Variants in PCSK5 observed in about 807,000 individuals in gnomAD.
PCSK5 encodes the protein prohormone convertase 5.
Under a neutral mutation model 233.2 loss-of-function variants are expected in PCSK5, and 129 were observed. The ratio of observed to expected loss-of-function variants is 0.55; its 90% CI spans 0.48 to 0.64. The LOEUF (loss-of-function observed/expected upper bound fraction) is 0.64. PCSK5 is among the 30% of genes least tolerant of loss of function. PCSK5 has a pLI of 0.00. For missense variants in PCSK5, 2,076 were observed against 2,430.1 expected, an observed-to-expected ratio of 0.85 and a Z score of 3.06; for synonymous variants, 825 against 879.2, an observed-to-expected ratio of 0.94 and a Z score of 1.09.
chr9:75,896,884 T>G (rs937563543), intron 1 of PCSK5, among the ~76,000 whole-genome samples: 8 of 152,214 alleles, frequency 5.3e-5, no homozygotes, highest in African/African-American at 1.9e-4. Flanking sequence ...CAACAGATTA[T>G]CCATCTCTAC....
At chr9:76,329,470 C>T (rs1829464379) in intron 33 of PCSK5, among the ~76,000 whole-genome samples, 1 of 152,102 alleles carries the variant, frequency 6.6e-6, no homozygotes, top group Non-Finnish European at 1.5e-5. Context: ...CTTCCATGTC[C>T]CTTTAGCCTC....
chr9:76,012,056 T>C (rs893234632), intron 3 of PCSK5, among the ~76,000 whole-genome samples: 10 of 152,206 alleles, frequency 6.6e-5, no homozygotes, highest in Admixed American at 2.6e-4. Context: ...TCATGTGTTT[T>C]CTCATTCCCA....
intron 3 of PCSK5, among the ~76,000 whole-genome samples, chr9:76,007,062 G>A (rs1842100366): frequency 6.6e-6 from 1 of 152,042 alleles, no homozygotes; most frequent in Admixed American, 6.6e-5. Flanking sequence ...TTTCTTCAAT[G>A]CTCCTGATTA....
At chr9:75,990,163 C>T (rs1826704890) in intron 3 of PCSK5, among the ~76,000 whole-genome samples, 1 of 152,176 alleles carries the variant, frequency 6.6e-6, no homozygotes. Flanking sequence ...AGGCAAGGTG[C>T]TGATACCCTT....
rs1830433947 is a variant in PCSK5 at position 76,361,685 on chromosome 9, G to C, written c.*2763G>C. 1 of 152,204 alleles carries C rather than the reference G, an allele frequency of 6.6e-6. No individual in the cohort carries two copies. The allele number at this position is 152,204 out of a possible 1,614,324, so 9.4% of individuals were successfully genotyped here. A position where few individuals can be genotyped will look rare whatever the true frequency, so the allele number is the denominator to read the frequency against. The stretch of plus-strand genomic sequence containing the variant: ...CTATTGCACTTCAGCCTGAATGACA[G>C]AGCTAAGACCCTGACTCAAAATAAA... On this transcript the variant is annotated 3_prime_UTR_variant, in exon 38 of 38. Transcript: ENST00000674117.
At chr9:76,015,827 G>T (rs1039421098) in intron 3 of PCSK5, among the ~76,000 whole-genome samples, 1 of 152,174 alleles carries the variant, frequency 6.6e-6, no homozygotes, top group Non-Finnish European at 1.5e-5. Context: ...ACATTAGTGA[G>T]CTTTTTGTGG....
intron 13 of PCSK5, among the ~76,000 whole-genome samples, chr9:76,172,726 C>G (rs1156320824): frequency 1.3e-5 from 2 of 152,204 alleles, no homozygotes; most frequent in Non-Finnish European, 2.9e-5. Flanking sequence ...CTCTTTTGCA[C>G]TGCTACCTAA....
intron 2 of PCSK5, among the ~76,000 whole-genome samples, chr9:75,946,108 T>C (rs1824554710): frequency 2.0e-5 from 3 of 152,212 alleles, no homozygotes; most frequent in Admixed American, 2.0e-4. Flanking sequence ...AATAGAAGAA[T>C]ACATGAATGA....
intron 2 of PCSK5, among the ~76,000 whole-genome samples, chr9:75,940,731 C>A (rs1458196718): frequency 6.6e-6 from 1 of 152,208 alleles, no homozygotes; most frequent in African/African-American, 2.4e-5. Context: ...CCTTATCAGT[C>A]AAATTCCATT....
intron 35 of PCSK5, among the ~76,000 whole-genome samples, chr9:76,343,571 C>G (rs761376771): frequency 8.6e-5 from 13 of 151,960 alleles, no homozygotes; most frequent in Non-Finnish European, 1.3e-4. Context: ...TCATATTCAG[C>G]CTCATCTCTT....
intron 20 of PCSK5, among the ~76,000 whole-genome samples, chr9:76,224,968 G>C (rs1203591611): frequency 6.6e-6 from 1 of 152,198 alleles, no homozygotes; most frequent in African/African-American, 2.4e-5. Context: ...AGCAGAGCAA[G>C]GTGTTTTAGT....
intron 2 of PCSK5, among the ~76,000 whole-genome samples, chr9:75,968,203 G>A (rs71509848): frequency 0.058 from 8,889 of 152,328 alleles, 298 homozygotes; most frequent in Middle Eastern, 0.11. Context: ...CTGAGTAAAT[G>A]TGTGTTGAAT....
chr9:76,274,123 A>G (rs1827617850), intron 24 of PCSK5, among the ~76,000 whole-genome samples: 1 of 151,566 alleles, frequency 6.6e-6, no homozygotes, highest in African/African-American at 2.4e-5. Context: ...CCTGTTTTTT[A>G]GCTTTTATTG....
chr9:76,180,782 C>T (rs1316924916), intron 15 of PCSK5, among the ~76,000 whole-genome samples: 1 of 152,180 alleles, frequency 6.6e-6, no homozygotes, highest in Non-Finnish European at 1.5e-5. Flanking sequence ...TATCTCCCAG[C>T]CTCTGTTATC....
intron 24 of PCSK5, among the ~76,000 whole-genome samples, chr9:76,285,574 A>T (rs1385930949): frequency 6.6e-6 from 1 of 152,120 alleles, no homozygotes; most frequent in Non-Finnish European, 1.5e-5. Flanking sequence ...TCTGGCTTGC[A>T]TGGGGTATGA....
At chr9:76,236,305 A>G (rs1035380573) in intron 22 of PCSK5, among the ~76,000 whole-genome samples, 1 of 152,138 alleles carries the variant, frequency 6.6e-6, no homozygotes, top group Admixed American at 6.5e-5. Context: ...CAATATCATC[A>G]TGCTGGTCCA....
At chr9:75,900,178 G>A (rs1256604970) in intron 1 of PCSK5, among the ~76,000 whole-genome samples, 2 of 152,110 alleles carry the variant, frequency 1.3e-5, no homozygotes, top group Non-Finnish European at 2.9e-5. Context: ...AGAATTAAAA[G>A]GGTTTGAAAC....
chr9:76,049,747 G>A (rs1178157867), intron 5 of PCSK5, among the ~76,000 whole-genome samples: 1 of 152,188 alleles, frequency 6.6e-6, no homozygotes, highest in Non-Finnish European at 1.5e-5. Context: ...TGCAAAGGAA[G>A]CCTCCTATTT....
At chr9:76,281,362 GA>G (rs1564153837) in intron 24 of PCSK5, among the ~76,000 whole-genome samples, 1 of 152,210 alleles carries the variant, frequency 6.6e-6, no homozygotes, top group Admixed American at 6.5e-5. Context: ...TTATCATTCT[GA>G]AAATCCTAGG....
Sources: allele counts gnomAD v4.1 joint callset (sites outside exome capture counted in the v4.1 genomes callset), GRCh38; gene constraint gnomAD v4.1.1; transcripts MANE v1.5; gene names NCBI Gene and HGNC (gene_info 2026-07-23, HGNC 2026-07-21).